Variants in PKHD1 observed in about 807,000 individuals in gnomAD.
The protein encoded by PKHD1 is PKHD1 ciliary IPT domain containing fibrocystin/polyductin, also known as fibrocystin.
PKHD1 carries 291 observed loss-of-function variants against 412.0 expected under a neutral mutation model. The observed-to-expected ratio is 0.71, with a 90% CI of 0.64 to 0.78. The LOEUF is 0.78. Ranked by LOEUF, PKHD1 falls within the 30% of genes least tolerant of loss-of-function variation. The pLI is 0.00. For synonymous variants in PKHD1, 1,777 were observed against 1,821.5 expected (o/e 0.98, Z 0.62); for missense variants, 4,825 against 4,950.7 (o/e 0.97, Z 0.76).
intron 60 of PKHD1, among the ~76,000 whole-genome samples, chr6:51,705,225 T>C (rs1407903681): frequency 6.6e-6 from 1 of 151,306 alleles, no homozygotes; most frequent in African/African-American, 2.4e-5. Flanking sequence ...CCTTGAAAAA[T>C]CAAAGGAGGA....
intron 55 of PKHD1, among the ~76,000 whole-genome samples, chr6:51,771,227 C>T (rs970619225): frequency 2.0e-5 from 3 of 151,704 alleles, no homozygotes; most frequent in South Asian, 2.1e-4. Context: ...CACACACATG[C>T]ACATAACCTA....
At chr6:52,055,479 C>A (rs1005824720) in intron 19 of PKHD1, 108 bp downstream of exon 19, 2 of 1,261,206 alleles carry the variant, frequency 1.6e-6, no homozygotes, top group African/African-American at 2.9e-5. Context: ...ACACCTTGGG[C>A]AGATCACAGC....
chr6:52,000,299 T>C (rs1440613821), intron 35 of PKHD1, among the ~76,000 whole-genome samples: 1 of 152,136 alleles, frequency 6.6e-6, no homozygotes, highest in African/African-American at 2.4e-5. Flanking sequence ...ACCTCCCCTG[T>C]AGAATCCAAA....
At position 51,961,885 on chromosome 6, in the gene PKHD1, T is replaced by G. The variant is rs142172009; in HGVS notation, c.5752-1859A>C. ...AGATGCTATTTTAGGCAGTGTTCCT[T>G]AGAGCTTAATAAAATGTAGATTTCT... On this transcript the variant is annotated intron_variant, in intron 35 of 66. Coordinates refer to ENST00000371117, the MANE Select transcript of PKHD1 (RefSeq NM_138694.4). Among the ~76,000 whole-genome samples, 13 of 152,214 alleles carry G rather than the reference T, an allele frequency of 8.5e-5. No individual in the cohort carries two copies. The East Asian group carries it at 2.5e-3, about 29-fold the overall frequency.
At chr6:51,813,537 C>T (rs886231484) in intron 52 of PKHD1, among the ~76,000 whole-genome samples, 17 of 152,090 alleles carry the variant, frequency 1.1e-4, no homozygotes, top group African/African-American at 4.1e-4. Context: ...AATATCTCTA[C>T]TATTTCCTAC....
chr6:51,834,924 T>A lies in PKHD1; in HGVS notation c.8173+1480A>T, dbSNP rs74335845. ...GGCTGAGTTGAGACATCTGAGTTCC[T>A]ATCTAGGCTCATATGACTGACTACT... On this transcript the variant is annotated intron_variant, in intron 51 of 66. Transcript: ENST00000371117. Among the ~76,000 whole-genome samples, 576 of 152,310 alleles carry A rather than the reference T, an allele frequency of 3.8e-3. 4 individuals carry two copies. The highest frequency in any genetic ancestry group is 0.01 in the African/African-American group (434 of 41,576).
intron 55 of PKHD1, among the ~76,000 whole-genome samples, chr6:51,758,449 T>C (rs1317020055): frequency 1.3e-5 from 2 of 152,130 alleles, no homozygotes; most frequent in Non-Finnish European, 1.5e-5. Context: ...TCAAACATTA[T>C]GGTTACCCTT....
intron 60 of PKHD1, among the ~76,000 whole-genome samples, chr6:51,706,932 G>T (rs1302068001): frequency 6.6e-6 from 1 of 152,096 alleles, no homozygotes; most frequent in African/African-American, 2.4e-5. Flanking sequence ...TCATATGCTA[G>T]CCAAGCATTG....
At chr6:51,670,886 T>C (rs1774829219) in intron 60 of PKHD1, among the ~76,000 whole-genome samples, 3 of 151,914 alleles carry the variant, frequency 2.0e-5, no homozygotes, top group African/African-American at 7.2e-5. Flanking sequence ...CCCACTCTCT[T>C]CTGGCTTGTA....
chr6:51,903,576 T>C (rs764562314), intron 43 of PKHD1, 21 bp downstream of exon 43: 1 of 1,605,644 alleles, frequency 6.2e-7, no homozygotes, highest in South Asian at 1.1e-5. Flanking sequence ...CTGGTCTTCC[T>C]GGTAGAGCTG....
chr6:51,932,256 A>G (rs979442478), intron 37 of PKHD1, among the ~76,000 whole-genome samples: 1 of 152,234 alleles, frequency 6.6e-6, no homozygotes, highest in Non-Finnish European at 1.5e-5. Context: ...CAGGCACAAA[A>G]GGTATATTTA....
At position 52,082,397 on chromosome 6, in the gene PKHD1, C is replaced by T. The variant is rs1812170618; in HGVS notation, c.276G>A (p.Arg92=). 1 of 1,614,080 alleles carries T rather than the reference C, an allele frequency of 6.2e-7. No homozygotes were observed. The highest frequency in any genetic ancestry group is 1.7e-5 in the Admixed American group (1 of 60,020). The change falls in exon 4 of 67, where the codon CGG becomes CGA. Residue 92 remains arginine, a synonymous_variant. Transcript: ENST00000371117. ...VFLDLPVVTC[R]TRSVLSEAHE... The stretch of plus-strand genomic sequence containing the variant: ...CTATTCCCAGACAGGTATACCTGGT[C>T]CGGCATGTCACCACAGGCAAATCCA...
At chr6:51,852,188 A>G (rs1772396060) in intron 49 of PKHD1, among the ~76,000 whole-genome samples, 1 of 152,182 alleles carries the variant, frequency 6.6e-6, no homozygotes, top group Non-Finnish European at 1.5e-5. Context: ...CAGATTGTTC[A>G]ATTTCCATGA....
intron 41 of PKHD1, among the ~76,000 whole-genome samples, chr6:51,905,767 C>T (rs1781976867): frequency 6.6e-6 from 1 of 152,102 alleles, no homozygotes; most frequent in Non-Finnish European, 1.5e-5. Flanking sequence ...CTTTAGGAAA[C>T]AGAAGTAGAT....
At chr6:51,731,675 A>C (rs1298513790) in intron 60 of PKHD1, among the ~76,000 whole-genome samples, 1 of 152,208 alleles carries the variant, frequency 6.6e-6, no homozygotes, top group Non-Finnish European at 1.5e-5. Context: ...GTAATTTACC[A>C]GGGATAAATA....
chr6:51,878,608 G>A (rs1583165365), intron 46 of PKHD1, among the ~76,000 whole-genome samples: 1 of 39,060 alleles, frequency 2.6e-5, no homozygotes. Flanking sequence ...TTGATGGGAC[G>A]TATTTCAAAA....
chr6:51,899,531 C>T (rs1338884398), intron 43 of PKHD1, among the ~76,000 whole-genome samples: 7 of 151,478 alleles, frequency 4.6e-5, no homozygotes, highest in Admixed American at 6.6e-5. Context: ...ATAATAAGAG[C>T]TATCTATGAC....
At chr6:51,653,418 A>G (rs1254409699) in intron 61 of PKHD1, among the ~76,000 whole-genome samples, 2 of 152,078 alleles carry the variant, frequency 1.3e-5, no homozygotes, top group Non-Finnish European at 2.9e-5. Flanking sequence ...CACCCAGTAC[A>G]TGTTGTTATA....
chr6:51,762,623 G>A lies in PKHD1; in HGVS notation c.8643-7685C>T, dbSNP rs892235103. On this transcript the variant is annotated intron_variant, in intron 55 of 66. Transcript: ENST00000371117. The stretch of plus-strand genomic sequence containing the variant: ...AAAGTTAACATGAAACTTTTCCTCC[G>A]AAGTTTTCACACTACCATTATTCAC... 5.3e-5 allele frequency among the ~76,000 whole-genome samples: 8 copies of A among 150,120 alleles called. No homozygotes were observed. The East Asian group carries it at 1.4e-3, about 26-fold the overall frequency.
Sources: allele counts gnomAD v4.1 joint callset (sites outside exome capture counted in the v4.1 genomes callset), GRCh38; gene constraint gnomAD v4.1.1; transcripts MANE v1.5; gene names NCBI Gene and HGNC (gene_info 2026-07-23, HGNC 2026-07-21).